SORT1: variants seen among roughly 807,000 people sequenced by gnomAD.
SORT1 encodes the protein sortilin 1, also known as sortilin.
SORT1 carries 39 observed loss-of-function variants against 101.7 expected under a neutral mutation model. The ratio of observed to expected loss-of-function variants is 0.38; its 90% confidence interval spans 0.30 to 0.50. The LOEUF is 0.50. Among genes scored for constraint, SORT1 ranks in the 20% least tolerant of loss-of-function variants. SORT1 has a pLI of 0.90. For synonymous variants in SORT1, 396 were observed against 393.7 expected, an observed-to-expected ratio of 1.01 and a Z score of -0.07; for missense variants, 878 against 1,040.4, an observed-to-expected ratio of 0.84 and a Z score of 2.15.
At chr1:109,355,306 A>G (rs1650231796) in intron 4 of SORT1, 61 bp downstream of exon 4, 2 of 836,122 alleles carry the variant, frequency 2.4e-6, no homozygotes, top group Non-Finnish European at 4.2e-6. Context: ...CAATACTAAT[A>G]TCTGACAGCT....
At position 109,355,750 on chromosome 1, in the gene SORT1, C is replaced by T. The variant is rs186084281; in HGVS notation, c.441-281G>A. 5.5e-4 allele frequency among the ~76,000 whole-genome samples: 80 copies of T among 145,396 alleles called. 1 individual carries two copies. The East Asian group carries it at 0.017, about 30-fold the overall frequency. On this transcript the variant is annotated intron_variant, in intron 3 of 19. Coordinates refer to ENST00000256637, the MANE Select transcript of SORT1 (RefSeq NM_002959.7). Reference sequence around the variant, plus strand: ...AAAAGGTGGGTGGGAAATTTGGGGTCTTCTAGGAAGCACACTGCCTCCCAC... The same window carrying T: ...AAAAGGTGGGTGGGAAATTTGGGGTTTTCTAGGAAGCACACTGCCTCCCAC...
intron 7 of SORT1, among the ~76,000 whole-genome samples, chr1:109,346,671 G>A (rs932208385): frequency 2.0e-5 from 3 of 151,168 alleles, no homozygotes; most frequent in Non-Finnish European, 2.9e-5. Context: ...TGTAAACCCA[G>A]GAGGCGGAGC....
intron 3 of SORT1, among the ~76,000 whole-genome samples, chr1:109,365,129 A>T (rs1650993987): frequency 6.6e-6 from 1 of 152,216 alleles, no homozygotes; most frequent in Non-Finnish European, 1.5e-5. Context: ...TGTATGGTGA[A>T]CTTTTTTCTT....
intron 1 of SORT1, among the ~76,000 whole-genome samples, chr1:109,379,822 T>TA (rs1378850702): frequency 6.6e-6 from 1 of 152,076 alleles, no homozygotes; most frequent in African/African-American, 2.4e-5. Context: ...TAGCACATGA[T>TA]AAAGCTAGCA....
At chr1:109,360,161 C>A (rs918660667) in intron 3 of SORT1, among the ~76,000 whole-genome samples, 1 of 152,206 alleles carries the variant, frequency 6.6e-6, no homozygotes, top group Non-Finnish European at 1.5e-5. Flanking sequence ...ATAGTGAAAA[C>A]CCATCTCTAC....
chr1:109,371,400 C>T (rs1309211477), intron 1 of SORT1, among the ~76,000 whole-genome samples: 1 of 152,168 alleles, frequency 6.6e-6, no homozygotes, highest in Non-Finnish European at 1.5e-5. Flanking sequence ...TCCAGAGCTA[C>T]CACAAGCACC....
At chr1:109,332,071 C>T (rs1444669469) in intron 11 of SORT1, among the ~76,000 whole-genome samples, 2 of 149,628 alleles carry the variant, frequency 1.3e-5, no homozygotes, top group African/African-American at 4.9e-5. Context: ...TCCTATGTTC[C>T]TGGATTGGAA....
At chr1:109,319,792 G>A (rs1263518963) in intron 15 of SORT1, among the ~76,000 whole-genome samples, 3 of 151,956 alleles carry the variant, frequency 2.0e-5, no homozygotes, top group Non-Finnish European at 2.9e-5. Context: ...GCTTGAACCC[G>A]GGAGGTGGAG....
chr1:109,340,175 GAA>G (rs1254168052), intron 10 of SORT1, among the ~76,000 whole-genome samples: 1 of 144,556 alleles, frequency 6.9e-6, no homozygotes, highest in Non-Finnish European at 1.5e-5. Context: ...GAAAGAAAAA[GAA>G]AAAAAAGGTG....
intron 1 of SORT1, chr1:109,397,343 T>TA (rs775626561): frequency 3.6e-3 from 516 of 143,562 alleles, no homozygotes; most frequent in Non-Finnish European, 4.0e-3. Context: ...TTTGACAACT[T>TA]AAAAAAAAAA....
chr1:109,353,969 G>A (rs554163079), intron 5 of SORT1, among the ~76,000 whole-genome samples: 46 of 152,302 alleles, frequency 3.0e-4, no homozygotes, highest in African/African-American at 1.1e-3. Context: ...TTTATAAACT[G>A]AGGACATAAC....
Position 109,313,969 on chromosome 1 carries a change from G to A in SORT1, c.*74C>T. 6.9e-7 allele frequency: 1 copy of A among 1,459,038 alleles called. No individual in the cohort carries two copies. The highest frequency in any genetic ancestry group is 9.5e-7 in the Non-Finnish European group (1 of 1,050,712). 90.4% of individuals were successfully genotyped at this position (1,459,038 alleles called of 1,614,324 possible). A position where few individuals can be genotyped will look rare whatever the true frequency, so the allele number is the denominator to read the frequency against. On this transcript the variant is annotated 3_prime_UTR_variant, in exon 20 of 20. Coordinates refer to ENST00000256637, the MANE Select transcript of SORT1 (RefSeq NM_002959.7). ...CCTCGCAATGGGAAATTTATTTCCT[G>A]AAGTTGGAGCCACAGGGAGTGTAAG...
intron 1 of SORT1, among the ~76,000 whole-genome samples, chr1:109,381,156 T>C (rs1652203955): frequency 6.6e-6 from 1 of 152,164 alleles, no homozygotes; most frequent in Non-Finnish European, 1.5e-5. Flanking sequence ...AATCCTATTC[T>C]TAGGAATTTG....
rs900567283 is a variant in SORT1, at chr1:109,371,057, C to A, written c.307-1468G>T. On this transcript the variant is annotated intron_variant, in intron 1 of 19. Coordinates refer to ENST00000256637, the MANE Select transcript of SORT1 (RefSeq NM_002959.7). ...TGATTTCCCCTCTGGACCGTAAGTA[C>A]CTTTGATGTCAAAAGAATCTCTTAC... 9.2e-5 allele frequency among the ~76,000 whole-genome samples: 14 copies of A among 152,304 alleles called. No individual in the cohort carries two copies. In the East Asian group the frequency reaches 2.7e-3, roughly 29 times the overall value.
At chr1:109,366,509 C>A (rs918151106) in intron 3 of SORT1, among the ~76,000 whole-genome samples, 2 of 152,170 alleles carry the variant, frequency 1.3e-5, no homozygotes, top group African/African-American at 4.8e-5. Flanking sequence ...AAACACACAG[C>A]ACTATACACT....
intron 16 of SORT1, among the ~76,000 whole-genome samples, chr1:109,317,599 G>T (rs1213336159): frequency 1.3e-5 from 2 of 152,206 alleles, no homozygotes; most frequent in Non-Finnish European, 1.5e-5. Flanking sequence ...GGAGGCAGGG[G>T]TGCAGGATCT....
intron 3 of SORT1, among the ~76,000 whole-genome samples, chr1:109,359,538 T>A (rs1194718761): frequency 6.6e-6 from 1 of 152,168 alleles, no homozygotes; most frequent in Non-Finnish European, 1.5e-5. Context: ...CCACTCTTGT[T>A]ACCCAGGCTG....
chr1:109,380,669 CTA>C (rs1220771191), intron 1 of SORT1, among the ~76,000 whole-genome samples: 1 of 151,670 alleles, frequency 6.6e-6, no homozygotes, highest in African/African-American at 2.4e-5. Context: ...ATTTGAAAAG[CTA>C]TTTAATCTCT....
intron 14 of SORT1, among the ~76,000 whole-genome samples, 164 bp from the exon 15 acceptor site, chr1:109,323,285 GC>G (rs889924459): frequency 6.6e-6 from 1 of 152,222 alleles, no homozygotes; most frequent in Non-Finnish European, 1.5e-5. Context: ...CTAGTCTAGA[GC>G]CTACTAGCAA....
Sources: gnomAD v4.1 joint callset for allele counts (sites outside exome capture counted in the v4.1 genomes callset) on GRCh38, gnomAD v4.1.1 for gene constraint, MANE v1.5 for transcripts, NCBI Gene and HGNC (gene_info 2026-07-23, HGNC 2026-07-21) for gene names.